Variants in ELFN1 observed in about 807,000 individuals in gnomAD.
ELFN1 encodes extracellular leucine rich repeat and fibronectin type III domain containing 1, also known as protein ELFN1.
A neutral mutation model predicts 7.6 loss-of-function variants in ELFN1; 6 were observed. That is an observed-to-expected ratio of 0.79 (90% confidence interval 0.43 to 1.56). ELFN1 has a LOEUF of 1.56. ELFN1 is among the 40% of genes most tolerant of loss of function. The pLI, the probability that ELFN1 is intolerant of heterozygous loss-of-function variation, is 0.01. For synonymous variants in ELFN1, 657 were observed against 588.1 expected, an observed-to-expected ratio of 1.12 and a Z score of -1.70; for missense variants, 1,169 against 1,232.2, an observed-to-expected ratio of 0.95 and a Z score of 0.77.
intron 3 of ELFN1, 120 bp downstream of exon 3, chr7:1,709,372 G>C (rs936265165): frequency 3.3e-5 from 5 of 152,364 alleles, no homozygotes; most frequent in African/African-American, 1.2e-4. Context: ...AGAGCCAGGT[G>C]TCCTGCAGAA....
chr7:1,693,615 C>A (rs889959623), intron 2 of ELFN1: 2 of 471,222 alleles, frequency 4.2e-6, no homozygotes, highest in South Asian at 3.1e-5. Flanking sequence ...GCTGTGTGAA[C>A]ACCTCCGGCG....
At chr7:1,676,730 C>G (rs757035857) in intron 1 of ELFN1, among the ~76,000 whole-genome samples, 1 of 152,210 alleles carries the variant, frequency 6.6e-6, no homozygotes, top group Non-Finnish European at 1.5e-5. Context: ...AGCCGAGACA[C>G]GCTTCGTGTG....
chr7:1,693,198 G>T, intron 2 of ELFN1: 8 of 390,628 alleles, frequency 2.0e-5, no homozygotes, highest in Non-Finnish European at 3.2e-5. Context: ...GTAGTGGGCA[G>T]TGCAGGCCCT....
In ELFN1 at chr7:1,746,450, C is replaced by G. The variant is rs546443014; in HGVS notation, c.1854C>G (p.Asp618Glu). ...GCTTCCTGGCGCCCGGGTACAAGGA[C>G]GCCTTCGGCCACAGCCTGCAGCGGC... ...KHGFLAPGYK[D>E]AFGHSLQRHH... Residue 618 changes from aspartate (D) to glutamate (E), a missense_variant, in exon 4 of 4, where the codon GAC (aspartate) becomes GAG (glutamate). Asp to Glu is a conservative substitution (Grantham distance 45). Around this residue, in one of 2 missense-constraint regions of ELFN1, gnomAD observed 914 missense variants for 872.6 expected, o/e 1.05. Coordinates refer to ENST00000424383, the MANE Select transcript of ELFN1 (RefSeq NM_001128636.4). 4.6e-6 allele frequency: 7 copies of G among 1,527,504 alleles called. No individual in the cohort carries two copies. The highest frequency in any genetic ancestry group is 5.3e-6 in the Non-Finnish European group (6 of 1,141,368). 94.6% of individuals were successfully genotyped at this position (1,527,504 alleles called of 1,614,324 possible). A position where few individuals can be genotyped will look rare whatever the true frequency, so the allele number is the denominator to read the frequency against.
chr7:1,723,628 C>T (rs1294497514), intron 3 of ELFN1, among the ~76,000 whole-genome samples: 1 of 152,256 alleles, frequency 6.6e-6, no homozygotes, highest in Non-Finnish European at 1.5e-5. Flanking sequence ...CTTTGGGCAG[C>T]TCTCCCAGCT....
chr7:1,727,954 G>C (rs984926691), intron 3 of ELFN1, among the ~76,000 whole-genome samples: 1 of 152,122 alleles, frequency 6.6e-6, no homozygotes, highest in Non-Finnish European at 1.5e-5. Flanking sequence ...AATGCCCAGG[G>C]AATGGGCCTT....
At position 1,746,448 on chromosome 7, in the gene ELFN1, G is replaced by T; in HGVS notation, c.1852G>T (p.Asp618Tyr). ...KHGFLAPGYK[D>Y]AFGHSLQRHH... ...CGGCTTCCTGGCGCCCGGGTACAAG[G>T]ACGCCTTCGGCCACAGCCTGCAGCG... Residue 618 changes from aspartate (D) to tyrosine (Y), a missense_variant, in exon 4 of 4, where the codon GAC (aspartate) becomes TAC (tyrosine). Physicochemically the swap from Asp to Tyr is radical, Grantham distance 160. Transcript: ENST00000424383. 3 of 1,529,218 alleles carry T rather than the reference G, an allele frequency of 2.0e-6. No homozygotes were observed. In the African/African-American group the frequency reaches 4.1e-5, roughly 21 times the overall value. 94.7% of individuals were successfully genotyped at this position (1,529,218 alleles called of 1,614,324 possible).
chr7:1,675,294 G>A (rs1018815061), intron 1 of ELFN1, among the ~76,000 whole-genome samples: 1 of 152,228 alleles, frequency 6.6e-6, no homozygotes, highest in African/African-American at 2.4e-5. Flanking sequence ...TCTCACCAGC[G>A]CTGGACATGT....
At chr7:1,721,979 A>G (rs1780036285) in intron 3 of ELFN1, among the ~76,000 whole-genome samples, 1 of 152,138 alleles carries the variant, frequency 6.6e-6, no homozygotes, top group African/African-American at 2.4e-5. Flanking sequence ...TGGGGTGTGT[A>G]CATCCCATCC....
At chr7:1,714,035 G>A (rs866210520) in intron 3 of ELFN1, among the ~76,000 whole-genome samples, 3 of 152,162 alleles carry the variant, frequency 2.0e-5, no homozygotes, top group South Asian at 2.1e-4. Flanking sequence ...CCGGCTCCCC[G>A]AGTCCCCGCA....
intron 1 of ELFN1, among the ~76,000 whole-genome samples, chr7:1,679,971 G>A (rs1296863018): frequency 6.6e-6 from 1 of 152,262 alleles, no homozygotes; most frequent in Admixed American, 6.5e-5. Context: ...AAGGGGGCGC[G>A]TGTGCCCCTG....
intron 1 of ELFN1, among the ~76,000 whole-genome samples, chr7:1,680,815 C>T (rs904621401): frequency 6.7e-6 from 1 of 149,644 alleles, no homozygotes; most frequent in Non-Finnish European, 1.5e-5. Context: ...GTTCTCGGCT[C>T]ACAGCAGCCT....
At chr7:1,737,153 C>A (rs899045930) in intron 3 of ELFN1, among the ~76,000 whole-genome samples, 1 of 152,182 alleles carries the variant, frequency 6.6e-6, no homozygotes, top group Non-Finnish European at 1.5e-5. Flanking sequence ...CTAACTCCTA[C>A]TCTTCTGCTG....
chr7:1,707,174 T>A (rs1035159775), intron 2 of ELFN1, among the ~76,000 whole-genome samples: 12 of 152,222 alleles, frequency 7.9e-5, no homozygotes, highest in African/African-American at 2.9e-4. Context: ...TCCCAAGGGG[T>A]CTGGGCCTCT....
At position 1,739,742 on chromosome 7, in the gene ELFN1, G is replaced by A. The variant is rs1453213109; in HGVS notation, c.-293-4562G>A. ...CTGGGCCAAGGGCTGCCGAGAGGCT[G>A]AGCAAGACAAAAATGGGCCCTGGCA... On this transcript the variant is annotated intron_variant, in intron 3 of 3. Transcript: ENST00000424383. This position sits in a 1 kb window ranked among gnomAD's most constrained non-coding sequence, Gnocchi z 4.6. Among the ~76,000 whole-genome samples, 2 of 152,168 alleles carry A rather than the reference G, an allele frequency of 1.3e-5. No individual in the cohort carries two copies. Among genetic ancestry groups the A allele is most frequent in the Non-Finnish European group, 2.9e-5 (2 of 68,024 alleles).
intron 1 of ELFN1, among the ~76,000 whole-genome samples, chr7:1,687,380 G>A (rs1779079261): frequency 6.6e-6 from 1 of 151,662 alleles, no homozygotes. Context: ...TTAAAAAAGG[G>A]TAGCATATGC....
intron 3 of ELFN1, among the ~76,000 whole-genome samples, chr7:1,720,210 A>G (rs985136169): frequency 2.0e-5 from 3 of 152,138 alleles, no homozygotes; most frequent in Admixed American, 6.5e-5. Context: ...GGAAGCCACT[A>G]TCCTTGCACT....
upstream of ELFN1, among the ~76,000 whole-genome samples, chr7:1,669,247 T>C (rs1330269018): frequency 6.6e-6 from 1 of 152,218 alleles, no homozygotes; most frequent in African/African-American, 2.4e-5. Flanking sequence ...GTCAACTCTT[T>C]TGTATGCTCG....
chr7:1,714,692 C>T (rs1779775410), intron 3 of ELFN1, among the ~76,000 whole-genome samples: 1 of 152,158 alleles, frequency 6.6e-6, no homozygotes, highest in Non-Finnish European at 1.5e-5. Flanking sequence ...ACTCACCAAC[C>T]CTGATCTGAG....
Sources: gnomAD v4.1 joint callset for allele counts (sites outside exome capture counted in the v4.1 genomes callset) on GRCh38, gnomAD v4.1.1 for gene constraint, gnomAD v4.1.1 regional missense constraint, Gnocchi (gnomAD v3.1) non-coding constraint, MANE v1.5 for transcripts, NCBI Gene and HGNC (gene_info 2026-07-23, HGNC 2026-07-21) for gene names.